KIF5C: variants seen among roughly 807,000 people sequenced by gnomAD.
The protein encoded by KIF5C is kinesin family member 5C, also known as kinesin heavy chain isoform 5C.
KIF5C carries 18 observed loss-of-function variants against 125.2 expected under a neutral mutation model. The observed-to-expected ratio is 0.14, with a 90% CI of 0.10 to 0.21. KIF5C has a LOEUF of 0.21. Ranked by LOEUF, KIF5C falls within the 10% of genes least tolerant of loss-of-function variation. The pLI is 1.00. For synonymous variants in KIF5C, 405 were observed against 434.0 expected (o/e 0.93, Z 0.83); for missense variants, 780 against 1,183.8 (o/e 0.66, Z 5.01).
chr2:148,980,594 A>G (rs569967414), intron 13 of KIF5C, among the ~76,000 whole-genome samples: 88 of 152,234 alleles, frequency 5.8e-4, no homozygotes, highest in African/African-American at 2.1e-3. Flanking sequence ...CCAGTTTACA[A>G]TGTGAAATCC....
At chr2:148,946,435 G>C (rs1437508757) in intron 7 of KIF5C, among the ~76,000 whole-genome samples, 4 of 152,136 alleles carry the variant, frequency 2.6e-5, no homozygotes, top group African/African-American at 9.7e-5. Context: ...CCTTCCTTAG[G>C]AAAGTCTTAA....
intron 1 of KIF5C, among the ~76,000 whole-genome samples, chr2:148,911,405 A>T (rs896180195): frequency 6.6e-6 from 1 of 152,172 alleles, no homozygotes; most frequent in African/African-American, 2.4e-5. Flanking sequence ...CTGGTGCACA[A>T]TTCTACCCTT....
At chr2:148,961,497 C>A (rs1307818853) in intron 10 of KIF5C, among the ~76,000 whole-genome samples, 5 of 152,124 alleles carry the variant, frequency 3.3e-5, no homozygotes, top group African/African-American at 1.2e-4. Context: ...AAACTGCAGT[C>A]TCCAAGAGGA....
chr2:148,982,502 TGCTGACTGTGAG>T lies in KIF5C; in HGVS notation c.1569+948_1569+959del, dbSNP rs527968462. Reference sequence around the variant, plus strand: ...CAGATGGCGCAGGAGAGTGCTGGTCTGCTGACTGTGAGGCTGACAGGAAATGCTCCTCGCGGC... The same window carrying T: ...CAGATGGCGCAGGAGAGTGCTGGTCTGCTGACAGGAAATGCTCCTCGCGGC... On this transcript the variant is annotated intron_variant, in intron 14 of 25. Coordinates refer to ENST00000435030, the MANE Select transcript of KIF5C (RefSeq NM_004522.3). Among the ~76,000 whole-genome samples the T allele has an allele frequency of 1.4e-3, 207 of 152,350 alleles. 1 individual carries two copies. The highest frequency in any genetic ancestry group is 4.8e-3 in the African/African-American group (201 of 41,580).
chr2:148,949,598 A>C (rs1682608825), intron 8 of KIF5C, among the ~76,000 whole-genome samples: 1 of 152,126 alleles, frequency 6.6e-6, no homozygotes, highest in Admixed American at 6.5e-5. Flanking sequence ...CTGCAGCTCC[A>C]CCATTTGAGG....
In KIF5C at chr2:149,011,583, C is replaced by T; in HGVS notation, c.2781C>T (p.Arg927=). The change falls in exon 25 of 26, where the codon CGC becomes CGT. Residue 927 remains arginine (R), a synonymous_variant. Transcript: ENST00000435030. ...GGTTGGATACAGCCAAGCCCATCCG[C>T]CCCGGACACTACCCGGCCTCATCTC... ...AHSAQIAKPI[R]PGHYPASSPT... is the part of the protein sequence containing the mutation. 6.2e-7 allele frequency: 1 copy of T among 1,614,074 alleles called. No homozygotes were observed. The highest frequency in any genetic ancestry group is 8.5e-7 in the Non-Finnish European group (1 of 1,179,902).
At chr2:148,993,674 C>A (rs771053165) in intron 16 of KIF5C, among the ~76,000 whole-genome samples, 3 of 152,140 alleles carry the variant, frequency 2.0e-5, no homozygotes, top group African/African-American at 7.2e-5. Context: ...AGCTGAGCTC[C>A]CCAGATCTGG....
At position 148,981,528 on chromosome 2, in the gene KIF5C, T is replaced by A. The variant is rs775345179; in HGVS notation, c.1536T>A (p.Asn512Lys). 1 of 1,604,302 alleles carries A rather than the reference T, an allele frequency of 6.2e-7. No homozygotes were observed. The highest frequency in any genetic ancestry group is 8.5e-7 in the Non-Finnish European group (1 of 1,175,536). Residue 512 changes from asparagine (N) to lysine (K), a missense_variant, in exon 14 of 26, where the codon AAT (asparagine) becomes AAA (lysine). Asn to Lys is a moderately conservative substitution (Grantham distance 94, BLOSUM62 0). Transcript: ENST00000435030. ...SQEVEDKTRA[N>K]EQLTDELAQK... ...AAGTGGAGGATAAGACCCGGGCCAATGAGCAGCTGACAGACGAGCTGGCCC... is the reference window on the plus strand; with the variant it reads ...AAGTGGAGGATAAGACCCGGGCCAAAGAGCAGCTGACAGACGAGCTGGCCC...
intron 1 of KIF5C, among the ~76,000 whole-genome samples, chr2:148,915,984 G>A (rs1681532682): frequency 6.6e-6 from 1 of 152,198 alleles, no homozygotes; most frequent in Admixed American, 6.5e-5. Flanking sequence ...AGAACTGCTG[G>A]GGTTGGTACC....
At chr2:148,933,651 G>A (rs1189751824) in intron 3 of KIF5C, among the ~76,000 whole-genome samples, 1 of 143,204 alleles carries the variant, frequency 7.0e-6, no homozygotes, top group Non-Finnish European at 1.5e-5. Context: ...CACATACATT[G>A]TACACACACA....
At position 149,010,303 on chromosome 2, in the gene KIF5C, G is replaced by T; in HGVS notation, c.2719G>T (p.Ala907Ser). The T allele has an allele frequency of 6.3e-7, 1 of 1,595,494 alleles. No homozygotes were observed. The highest frequency in any genetic ancestry group is 8.5e-7 in the Non-Finnish European group (1 of 1,171,448). Residue 907 changes from alanine to serine, a missense_variant, in exon 24 of 26, where the codon GCC (alanine) becomes TCC (serine). Physicochemically the swap from Ala to Ser is moderately conservative, Grantham distance 99. Transcript: ENST00000435030. ...YQQEVDRIKE[A>S]VRAKNMARRA... ...GCAGGAGGTGGATCGTATCAAGGAG[G>T]CCGTGCGGGCCAAGAACATGGCCAG...
intron 10 of KIF5C, among the ~76,000 whole-genome samples, chr2:148,956,175 C>G (rs1198644327): frequency 6.6e-6 from 1 of 152,180 alleles, no homozygotes; most frequent in Non-Finnish European, 1.5e-5. Context: ...TCAGTGTCAT[C>G]ACATGTGGGT....
chr2:148,959,733 T>C (rs1358241137), intron 10 of KIF5C, among the ~76,000 whole-genome samples: 1 of 152,196 alleles, frequency 6.6e-6, no homozygotes, highest in Non-Finnish European at 1.5e-5. Flanking sequence ...GCTCATGCAA[T>C]GGGCTCCTTT....
At chr2:148,957,617 A>AC (rs1558917118) in intron 10 of KIF5C, among the ~76,000 whole-genome samples, 23 of 147,602 alleles carry the variant, frequency 1.6e-4, no homozygotes, top group Non-Finnish European at 1.9e-4. Flanking sequence ...AAAAAAAAAA[A>AC]CAATAAACCT....
At chr2:148,895,348 G>C (rs1681810542) in intron 1 of KIF5C, among the ~76,000 whole-genome samples, 1 of 152,076 alleles carries the variant, frequency 6.6e-6, no homozygotes, top group Non-Finnish European at 1.5e-5. Context: ...ATGTTGGCCA[G>C]GCTGGTCTCA....
chr2:148,939,555 A>G (rs1682363281), intron 4 of KIF5C, among the ~76,000 whole-genome samples: 1 of 152,234 alleles, frequency 6.6e-6, no homozygotes, highest in Admixed American at 6.5e-5. Context: ...GAATCTTATT[A>G]AGATAAAAAC....
chr2:149,002,568 T>C (rs2105189157), intron 21 of KIF5C, among the ~76,000 whole-genome samples: 1 of 152,224 alleles, frequency 6.6e-6, no homozygotes, highest in African/African-American at 2.4e-5. Context: ...CGTCCACACT[T>C]TCTCACTCGC....
intron 11 of KIF5C, among the ~76,000 whole-genome samples, chr2:148,971,354 T>C (rs1007438647): frequency 6.6e-6 from 1 of 150,986 alleles, no homozygotes. Context: ...ATCTCTAATA[T>C]GTTTAAGAAA....
At chr2:148,953,247 A>G (rs1349779943) in intron 10 of KIF5C, among the ~76,000 whole-genome samples, 2 of 152,216 alleles carry the variant, frequency 1.3e-5, no homozygotes, top group African/African-American at 2.4e-5. Context: ...AGATGAATCT[A>G]AAGCTTATTG....
Sources: gnomAD v4.1 joint callset for allele counts (sites outside exome capture counted in the v4.1 genomes callset) on GRCh38, gnomAD v4.1.1 for gene constraint, MANE v1.5 for transcripts, NCBI Gene and HGNC (gene_info 2026-07-23, HGNC 2026-07-21) for gene names.